The following CNTNAP2 variants were observed in gnomAD, a reference collection of about 807,000 sequenced individuals.
CNTNAP2 encodes contactin-associated protein-like 2.
In CNTNAP2, 98 loss-of-function variants were observed where a neutral mutation model predicts 155.2. The observed-to-expected ratio is 0.63, with a 90% CI of 0.54 to 0.75. The LOEUF (loss-of-function observed/expected upper bound fraction) is 0.75, where lower values mean the gene tolerates loss of function less well. CNTNAP2 is among the 30% of genes least tolerant of loss of function. The probability of loss-of-function intolerance (pLI) is 0.00; values close to 1 mark genes in which losing one functional copy is unlikely to be tolerated. For missense variants in CNTNAP2, 1,727 were observed against 1,688.1 expected (o/e 1.02, Z -0.40); for synonymous variants, 651 against 631.2 (o/e 1.03, Z -0.47).
chr7:148,137,593 T>C (rs1306182899), intron 16 of CNTNAP2, among the ~76,000 whole-genome samples: 1 of 149,858 alleles, frequency 6.7e-6, no homozygotes, highest in Non-Finnish European at 1.5e-5. Flanking sequence ...ACCTGGGAGG[T>C]GGAGGTTGCA....
intron 20 of CNTNAP2, among the ~76,000 whole-genome samples, chr7:148,262,899 G>A (rs1331372161): frequency 2.0e-5 from 3 of 152,198 alleles, no homozygotes; most frequent in African/African-American, 7.2e-5. Flanking sequence ...ATGTTCGGCA[G>A]GGGGACAGCA....
At chr7:147,113,575 G>C (rs570994027) in intron 5 of CNTNAP2, among the ~76,000 whole-genome samples, 1 of 152,280 alleles carries the variant, frequency 6.6e-6, no homozygotes, top group Admixed American at 6.5e-5. Flanking sequence ...GAAGTGCAGA[G>C]TGAAGTCGGG....
intron 1 of CNTNAP2, among the ~76,000 whole-genome samples, chr7:146,712,373 ATCT>A (rs1801109080): frequency 2.3e-5 from 3 of 131,784 alleles, no homozygotes; most frequent in African/African-American, 3.1e-5. Flanking sequence ...TAGTATACAT[ATCT>A]TATGTATACT....
At chr7:147,702,542 T>C (rs1398967640) in intron 13 of CNTNAP2, among the ~76,000 whole-genome samples, 1 of 148,432 alleles carries the variant, frequency 6.7e-6, no homozygotes, top group Admixed American at 6.7e-5. Context: ...GGTGGGAAAA[T>C]TGTACAGAAT....
intron 1 of CNTNAP2, among the ~76,000 whole-genome samples, chr7:146,281,720 G>A (rs981143184): frequency 7.9e-5 from 12 of 151,812 alleles, no homozygotes; most frequent in African/African-American, 2.9e-4. Context: ...ACTTGCACCC[G>A]GGAGGTGGAG....
chr7:146,478,181 G>A (rs1053986042), intron 1 of CNTNAP2, among the ~76,000 whole-genome samples: 11 of 151,816 alleles, frequency 7.2e-5, no homozygotes, highest in African/African-American at 2.2e-4. Context: ...CCCCTTTAAG[G>A]ACCCTTTCAA....
intron 15 of CNTNAP2, among the ~76,000 whole-genome samples, chr7:147,990,188 T>C (rs945469166): frequency 3.9e-5 from 6 of 152,188 alleles, no homozygotes; most frequent in African/African-American, 1.4e-4. Flanking sequence ...AATGAAGAGA[T>C]GCACAGGGTG....
chr7:147,939,889 A>C (rs544870164), intron 14 of CNTNAP2: 92 of 152,174 alleles, frequency 6.0e-4, no homozygotes, highest in African/African-American at 1.9e-3. Flanking sequence ...CTTGGGTCTG[A>C]GAGTTGTTCA....
chr7:147,484,057 C>A (rs1387896551), intron 10 of CNTNAP2, among the ~76,000 whole-genome samples: 1 of 152,116 alleles, frequency 6.6e-6, no homozygotes, highest in Non-Finnish European at 1.5e-5. Context: ...CCTCTAGTAT[C>A]CAAATTTCTA....
chr7:146,493,467 G>A (rs576428219), intron 1 of CNTNAP2, among the ~76,000 whole-genome samples: 6 of 152,124 alleles, frequency 3.9e-5, no homozygotes, highest in Non-Finnish European at 7.4e-5. Context: ...TTGCATTTCT[G>A]TTGTTAAGGT....
chr7:146,337,262 C>T (rs1801291742), intron 1 of CNTNAP2, among the ~76,000 whole-genome samples: 1 of 150,570 alleles, frequency 6.6e-6, no homozygotes, highest in African/African-American at 2.5e-5. Flanking sequence ...TTTGGGTCCT[C>T]TTAGTGTCTC....
At chr7:147,872,114 A>G (rs1205827847) in intron 13 of CNTNAP2, among the ~76,000 whole-genome samples, 2 of 152,238 alleles carry the variant, frequency 1.3e-5, no homozygotes, top group Non-Finnish European at 2.9e-5. Flanking sequence ...GTGGAGAAAG[A>G]GAAACCTGCC....
chr7:146,446,541 C>T (rs891326895), intron 1 of CNTNAP2, among the ~76,000 whole-genome samples: 8 of 152,040 alleles, frequency 5.3e-5, no homozygotes, highest in African/African-American at 1.9e-4. Flanking sequence ...TTATTCTTTG[C>T]CTCAGTGGTC....
intron 4 of CNTNAP2, among the ~76,000 whole-genome samples, chr7:147,047,116 T>TG (rs1799379162): frequency 7.0e-6 from 1 of 142,024 alleles, no homozygotes; most frequent in Non-Finnish European, 1.6e-5. Flanking sequence ...TTTTTTTTTT[T>TG]TTTTTTTTTT....
At chr7:146,746,962 C>A (rs893282766) in intron 1 of CNTNAP2, among the ~76,000 whole-genome samples, 22 of 151,990 alleles carry the variant, frequency 1.4e-4, no homozygotes, top group African/African-American at 5.3e-4. Context: ...AGAAAATAAT[C>A]CCCAGAATTG....
intron 1 of CNTNAP2, among the ~76,000 whole-genome samples, chr7:146,341,966 C>T (rs1480355415): frequency 6.6e-6 from 1 of 152,014 alleles, no homozygotes; most frequent in Admixed American, 6.6e-5. Flanking sequence ...ATATTTGCAG[C>T]CTTCATTCTT....
chr7:148,110,089 A>C (rs1804314445), intron 15 of CNTNAP2, among the ~76,000 whole-genome samples: 1 of 150,570 alleles, frequency 6.6e-6, no homozygotes. Context: ...GGTCCAGAAA[A>C]GGCCTAGGCA....
At chr7:148,095,224 G>A (rs1411402635) in intron 15 of CNTNAP2, among the ~76,000 whole-genome samples, 1 of 152,112 alleles carries the variant, frequency 6.6e-6, no homozygotes, top group Non-Finnish European at 1.5e-5. Context: ...AGAAAGCAAT[G>A]TCGTTCTGCA....
chr7:147,723,253 T>C (rs1350538462), intron 13 of CNTNAP2, among the ~76,000 whole-genome samples: 1 of 152,040 alleles, frequency 6.6e-6, no homozygotes, highest in African/African-American at 2.4e-5. Context: ...TGAACACGTA[T>C]GTCAGAATAT....
Sources: allele counts gnomAD v4.1 joint callset (sites outside exome capture counted in the v4.1 genomes callset), GRCh38; gene constraint gnomAD v4.1.1; transcripts MANE v1.5; gene names NCBI Gene and HGNC (gene_info 2026-07-23, HGNC 2026-07-21).